Variants in DNAH12 observed in about 807,000 individuals in gnomAD.
DNAH12 encodes axonemal beta dynein heavy chain 12.
In DNAH12, 285 loss-of-function variants were observed where a neutral mutation model predicts 371.5. That is an observed-to-expected ratio of 0.77 (90% CI 0.70 to 0.85). The LOEUF (loss-of-function observed/expected upper bound fraction) is 0.85. DNAH12 is among the 40% of genes least tolerant of loss of function. The probability of loss-of-function intolerance (pLI) is 0.00; values close to 1 mark genes in which losing one functional copy is unlikely to be tolerated. For synonymous variants in DNAH12, 1,200 were observed against 1,213.0 expected (o/e 0.99, Z 0.22); for missense variants, 3,611 against 3,689.4 (o/e 0.98, Z 0.55).
chr3:57,388,134 T>C lies in DNAH12; in HGVS notation c.7306-915A>G, dbSNP rs2063533084. On this transcript the variant is annotated intron_variant, in intron 45 of 73. Transcript: ENST00000495027. ...TGGCTTTCCTGGAATATGCCAAGCA[T>C]GCTCCTACCTCTGAGTCTTTGGACG... is the stretch of plus-strand genomic sequence containing the variant. 1.7e-4 allele frequency among the ~76,000 whole-genome samples: 26 copies of C among 152,290 alleles called. No homozygotes were observed. In the South Asian group the frequency reaches 5.4e-3, roughly 32 times the overall value.
At chr3:57,318,552 T>TAA (rs2061735921) in intron 65 of DNAH12, among the ~76,000 whole-genome samples, 1 of 152,058 alleles carries the variant, frequency 6.6e-6, no homozygotes, top group Non-Finnish European at 1.5e-5. Context: ...TTGAGCATCC[T>TAA]AAACCCCAAA....
rs1158350851 is a variant in DNAH12, at chr3:57,544,268, A to C, written c.-105T>G. The C allele has an allele frequency of 6.6e-6, 1 of 152,212 alleles. No homozygotes were observed. Among genetic ancestry groups the C allele is most frequent in the Non-Finnish European group, 1.5e-5 (1 of 68,060 alleles). The allele number at this position is 152,212 out of a possible 1,614,324, so 9.4% of individuals were successfully genotyped here. ...AGAGAGACAGTCAGAGCCTCTCCTCAGGTGAAAGGCAGGGGGATAACGAGG... is the reference window on the plus strand; with the variant it reads ...AGAGAGACAGTCAGAGCCTCTCCTCCGGTGAAAGGCAGGGGGATAACGAGG... On this transcript the variant is annotated 5_prime_UTR_variant, in exon 1 of 74. Coordinates refer to ENST00000495027, the MANE Select transcript of DNAH12 (RefSeq NM_001366028.2).
the DNAH12 span, among the ~76,000 whole-genome samples, chr3:57,554,344 A>T: frequency 2.6e-5 from 4 of 151,866 alleles, no homozygotes. Flanking sequence ...ACAGTATCAA[A>T]CACCTTTTTT....
chr3:57,458,344 G>A, intron 20 of DNAH12, 124 bp from the exon 21 acceptor site: 1 of 1,238,352 alleles, frequency 8.1e-7, no homozygotes, highest in Non-Finnish European at 1.0e-6. Context: ...AATGTCAAAG[G>A]TTTATAAAAT....
intron 11 of DNAH12, among the ~76,000 whole-genome samples, chr3:57,492,922 T>C (rs1432031763): frequency 6.6e-6 from 1 of 152,102 alleles, no homozygotes; most frequent in Non-Finnish European, 1.5e-5. Context: ...GGAGAATTGC[T>C]TGGGCCCAGG....
chr3:57,403,010 T>C (rs2063916814), intron 43 of DNAH12, among the ~76,000 whole-genome samples: 1 of 152,158 alleles, frequency 6.6e-6, no homozygotes. Flanking sequence ...AGACTTGAGT[T>C]AGAAAGCCTT....
chr3:57,498,567 G>A (rs769836826), intron 11 of DNAH12: 7 of 716,500 alleles, frequency 9.8e-6, no homozygotes, highest in East Asian at 2.7e-5. Context: ...GCATATGTCC[G>A]CACAAAGACT....
chr3:57,339,252 G>A (rs564338799), intron 60 of DNAH12, among the ~76,000 whole-genome samples: 294 of 152,118 alleles, frequency 1.9e-3, no homozygotes, highest in African/African-American at 6.7e-3. Context: ...AAGGCCGCAG[G>A]GTCCTCTGCC....
At chr3:57,442,036 C>T (rs934104849) in intron 29 of DNAH12, among the ~76,000 whole-genome samples, 3 of 151,920 alleles carry the variant, frequency 2.0e-5, no homozygotes, top group East Asian at 1.9e-4. Context: ...AAATGCTGGG[C>T]GCAGGGTGGG....
At chr3:57,361,993 C>A (rs1158201497) in intron 58 of DNAH12, among the ~76,000 whole-genome samples, 2 of 152,134 alleles carry the variant, frequency 1.3e-5, no homozygotes, top group Middle Eastern at 3.4e-3. Context: ...AGGTATGCCT[C>A]CTAATGCTAT....
At position 57,421,552 on chromosome 3, in the gene DNAH12, T is replaced by A. The variant is rs1458465847; in HGVS notation, c.5528A>T (p.Asp1843Val). 6.4e-7 allele frequency: 1 copy of A among 1,551,546 alleles called. No individual in the cohort carries two copies. The highest frequency in any genetic ancestry group is 2.4e-5 in the East Asian group (1 of 40,914). Residue 1843 changes from aspartate (D) to valine (V), a missense_variant, in exon 36 of 74, where the codon GAT (aspartate) becomes GTT (valine). By Grantham distance (152) the Asp-to-Val change is radical. Around this residue, in one of 3 missense-constraint regions of DNAH12, gnomAD observed 2,266 missense variants for 2,236.9 expected, o/e 1.01. Transcript: ENST00000495027. ...GTAGTCATAGACCAGGCCTTTTTCA[T>A]CAAATGGGCATTCCCATTTACCCAC... ...DSVGKWECPF[D>V]EKGLVYDYMY... is the part of the protein sequence containing the mutation.
chr3:57,348,331 G>T (rs986038772), intron 60 of DNAH12, among the ~76,000 whole-genome samples: 2 of 152,078 alleles, frequency 1.3e-5, no homozygotes, highest in African/African-American at 2.4e-5. Flanking sequence ...GATAACAAAA[G>T]AATCAGTGAT....
chr3:57,314,650 A>G lies in DNAH12; in HGVS notation c.10525-19T>C, dbSNP rs759741120. ...CCCAGGCCTTTAATATAAAAAGTAC[A>G]TAACAAGAAAAAAAATTCCGGTCAG... On this transcript the variant is annotated intron_variant, in intron 65 of 73. Coordinates refer to ENST00000495027, the MANE Select transcript of DNAH12 (RefSeq NM_001366028.2). The G allele has an allele frequency of 1.7e-4, 250 of 1,510,166 alleles. No homozygotes were observed. Among genetic ancestry groups the G allele is most frequent in the Non-Finnish European group, 2.1e-4 (240 of 1,134,932 alleles). The allele number at this position is 1,510,166 out of a possible 1,614,324, so 93.5% of individuals were successfully genotyped here.
intron 13 of DNAH12, among the ~76,000 whole-genome samples, chr3:57,474,836 C>T (rs1261979161): frequency 6.6e-6 from 1 of 151,356 alleles, no homozygotes. Context: ...GCTAGCTGGG[C>T]GTGGTGGCGC....
At chr3:57,494,396 TA>T (rs766752149) in intron 11 of DNAH12, among the ~76,000 whole-genome samples, 14 of 150,224 alleles carry the variant, frequency 9.3e-5, no homozygotes, top group Non-Finnish European at 1.5e-4. Context: ...CTACTAAAAA[TA>T]AAAAAAAATA....
intron 33 of DNAH12, 58 bp downstream of exon 33, chr3:57,429,633 G>T: frequency 1.4e-6 from 2 of 1,441,902 alleles, no homozygotes; most frequent in East Asian, 2.6e-5. Flanking sequence ...ATACTTATTG[G>T]CTAAATTAAA....
At chr3:57,401,404 A>G (rs2063856142) in intron 43 of DNAH12, among the ~76,000 whole-genome samples, 3 of 150,814 alleles carry the variant, frequency 2.0e-5, no homozygotes, top group Admixed American at 6.6e-5. Flanking sequence ...AAAAAAAAAA[A>G]AAAGAAAAAA....
In DNAH12 at chr3:57,334,515, G is replaced by C. The variant is rs1002575039; in HGVS notation, c.9928C>G (p.Leu3310Val). 1 of 1,550,662 alleles carries C rather than the reference G, an allele frequency of 6.4e-7. No homozygotes were observed. Among genetic ancestry groups the C allele is most frequent in the Non-Finnish European group, 8.7e-7 (1 of 1,146,830 alleles). ...ATTATTATTTTCTGTAGTTCATTTAGGTTCTTATCCATTGGTGCTGGAAAT... is the reference window on the plus strand; with the variant it reads ...ATTATTATTTTCTGTAGTTCATTTACGTTCTTATCCATTGGTGCTGGAAAT... ...AKFPAPMDKNLNELQKIIILR... is the reference protein window; with the variant it reads ...AKFPAPMDKNVNELQKIIILR... The change falls in exon 62 of 74, where the codon CTA (leucine) becomes GTA (valine). Residue 3310 changes from leucine (L) to valine (V), a missense_variant. By Grantham distance (32) the Leu-to-Val change is conservative (BLOSUM62 1). This residue lies in a region of DNAH12 where 2,266 missense variants were observed against 2,236.9 expected (regional missense o/e 1.01). Transcript: ENST00000495027.
At chr3:57,420,935 G>GAAATA (rs1180583615) in intron 36 of DNAH12, among the ~76,000 whole-genome samples, 2 of 138,310 alleles carry the variant, frequency 1.4e-5, no homozygotes, top group Admixed American at 7.2e-5. Flanking sequence ...AAAAAAGAAA[G>GAAATA]AAATAAAGAA....
Sources: gnomAD v4.1 joint callset for allele counts (sites outside exome capture counted in the v4.1 genomes callset) on GRCh38, gnomAD v4.1.1 for gene constraint, gnomAD v4.1.1 regional missense constraint, MANE v1.5 for transcripts, NCBI Gene and HGNC (gene_info 2026-07-23, HGNC 2026-07-21) for gene names.